Variants in WIPF1 observed in about 807,000 individuals in gnomAD.
WIPF1 encodes WAS/WASL-interacting protein family member 1.
A neutral mutation model predicts 35.4 loss-of-function variants in WIPF1; 13 were observed. The observed-to-expected ratio is 0.37, with a 90% CI of 0.24 to 0.58. WIPF1 has a LOEUF of 0.58. Among genes scored for constraint, WIPF1 ranks in the 20% least tolerant of loss-of-function variants. The pLI, the probability that WIPF1 is intolerant of heterozygous loss-of-function variation, is 0.74. For missense variants in WIPF1, 591 were observed against 667.0 expected (o/e 0.89, Z 1.25); for synonymous variants, 267 against 266.3 (o/e 1.00, Z -0.02).
At chr2:174,638,909 G>A (rs528622629) in intron 1 of WIPF1, among the ~76,000 whole-genome samples, 32 of 152,120 alleles carry the variant, frequency 2.1e-4, no homozygotes, top group African/African-American at 7.0e-4. Context: ...TCCAGTAGTG[G>A]GACTGCTGGA....
chr2:174,674,707 T>G (rs968480210), intron 1 of WIPF1, among the ~76,000 whole-genome samples: 1 of 152,010 alleles, frequency 6.6e-6, no homozygotes, highest in African/African-American at 2.4e-5. Context: ...AAAGAAAACT[T>G]GAAACAAAAC....
chr2:174,567,833 A>G lies in WIPF1; in HGVS notation c.1342+28T>C. On this transcript the variant is annotated intron_variant, in intron 6 of 7. Coordinates refer to ENST00000679041, the MANE Select transcript of WIPF1 (RefSeq NM_001375834.1). The stretch of plus-strand genomic sequence containing the variant: ...ATTTACCATTTAGTTGCTGCCCTAT[A>G]GCCCAGGGAGCTGGGACCACACCTC... 3 of 1,531,822 alleles carry G rather than the reference A, an allele frequency of 2.0e-6. No individual in the cohort carries two copies. In the South Asian group the frequency reaches 3.9e-5, roughly 20 times the overall value. The allele number at this position is 1,531,822 out of a possible 1,614,324, so 94.9% of individuals were successfully genotyped here.
At chr2:174,563,006 T>C (rs1559143540) in intron 7 of WIPF1, among the ~76,000 whole-genome samples, 1 of 152,126 alleles carries the variant, frequency 6.6e-6, no homozygotes, top group African/African-American at 2.4e-5. Flanking sequence ...TAAGATCATA[T>C]AGTCAGTTTG....
chr2:174,588,438 C>T (rs115112754), intron 1 of WIPF1, among the ~76,000 whole-genome samples: 385 of 152,280 alleles, frequency 2.5e-3, no homozygotes, highest in Non-Finnish European at 4.4e-3. Flanking sequence ...TAACAGAGAT[C>T]AAATTGAACT....
At chr2:174,615,329 T>C (rs1686474979) in intron 1 of WIPF1, among the ~76,000 whole-genome samples, 1 of 152,230 alleles carries the variant, frequency 6.6e-6, no homozygotes, top group South Asian at 2.1e-4. Flanking sequence ...CAGAATTTTA[T>C]GGAATCACAT....
In WIPF1 at chr2:174,571,043, G is replaced by C. The variant is rs946819758; in HGVS notation, c.1129+633C>G. 2 of 156,160 alleles carry C rather than the reference G, an allele frequency of 1.3e-5. No homozygotes were observed. Among genetic ancestry groups the C allele is most frequent in the Non-Finnish European group, 2.8e-5 (2 of 70,370 alleles). The allele number at this position is 156,160 out of a possible 1,614,324, so 9.7% of individuals were successfully genotyped here. On this transcript the variant is annotated intron_variant, in intron 5 of 7. Coordinates refer to ENST00000679041, the MANE Select transcript of WIPF1 (RefSeq NM_001375834.1). This position sits in a 1 kb window ranked among gnomAD's most constrained non-coding sequence, Gnocchi z 4.6. ...AAGGGTCTCAGATGGGCTTCAGCAGGCTCTTCAAGCCATGTGACAGCAGGC... is the reference window on the plus strand; with the variant it reads ...AAGGGTCTCAGATGGGCTTCAGCAGCCTCTTCAAGCCATGTGACAGCAGGC...
chr2:174,593,901 C>T (rs748034677), intron 1 of WIPF1, among the ~76,000 whole-genome samples: 10 of 151,828 alleles, frequency 6.6e-5, no homozygotes, highest in Admixed American at 3.9e-4. Flanking sequence ...AGCAATAAGC[C>T]ATGGATACAA....
Position 174,571,835 on chromosome 2 carries a change from T to C in WIPF1, c.970A>G (p.Ser324Gly), listed in dbSNP as rs754868175. 1.4e-5 allele frequency: 22 copies of C among 1,613,974 alleles called. No homozygotes were observed. In the South Asian group the frequency reaches 2.1e-4, roughly 15 times the overall value. The change falls in exon 5 of 8, where the codon AGT becomes GGT. Residue 324 changes from serine to glycine, a missense_variant. By Grantham distance (56) the Ser-to-Gly change is moderately conservative. This residue lies in a region of WIPF1 where 471 missense variants were observed against 501.1 expected (regional missense o/e 0.94). Coordinates refer to ENST00000679041, the MANE Select transcript of WIPF1 (RefSeq NM_001375834.1). This position sits in a 1 kb window ranked among gnomAD's most constrained non-coding sequence, Gnocchi z 4.6. ...GGGGTTTCGTCATTGCCGCTGGAAC[T>C]TGGAGGCAGAGGAGGCGGCCCGGGC... ...SRPGPPPLPP[S>G]SSGNDETPRL...
chr2:174,641,628 C>T (rs1204958882), intron 1 of WIPF1, among the ~76,000 whole-genome samples: 1 of 152,196 alleles, frequency 6.6e-6, no homozygotes, highest in Non-Finnish European at 1.5e-5. Context: ...CCAACCTTTT[C>T]ATCCAGGTAG....
At chr2:174,672,649 G>A (rs867063492) in intron 1 of WIPF1, among the ~76,000 whole-genome samples, 36 of 152,188 alleles carry the variant, frequency 2.4e-4, no homozygotes, top group African/African-American at 7.5e-4. Flanking sequence ...AAGTTACAAC[G>A]TTGATTGCAT....
chr2:174,594,050 CA>C (rs1685718622), intron 1 of WIPF1, among the ~76,000 whole-genome samples: 2 of 152,240 alleles, frequency 1.3e-5, no homozygotes, highest in African/African-American at 4.8e-5. Context: ...GAATGTGGAG[CA>C]CACGCTTGCC....
intron 1 of WIPF1, among the ~76,000 whole-genome samples, chr2:174,605,193 G>A (rs781523655): frequency 9.2e-5 from 14 of 152,170 alleles, no homozygotes; most frequent in Non-Finnish European, 1.6e-4. Flanking sequence ...CCAGCACTTT[G>A]GGAGGCAGAG....
chr2:174,638,227 T>C (rs571734540), intron 1 of WIPF1, among the ~76,000 whole-genome samples: 1 of 152,330 alleles, frequency 6.6e-6, no homozygotes, highest in Admixed American at 6.5e-5. Context: ...TAAATACAGA[T>C]ATTGATATAA....
At chr2:174,670,319 G>C (rs1290806047) in intron 1 of WIPF1, among the ~76,000 whole-genome samples, 1 of 152,134 alleles carries the variant, frequency 6.6e-6, no homozygotes, top group Non-Finnish European at 1.5e-5. Context: ...CCCTGTCTGT[G>C]TTGCTAGGAC....
Position 174,571,545 on chromosome 2 carries a change from G to T in WIPF1, c.1129+131C>A. 1 of 1,258,774 alleles carries T rather than the reference G, an allele frequency of 7.9e-7. No homozygotes were observed. The highest frequency in any genetic ancestry group is 1.2e-6 in the Non-Finnish European group (1 of 857,188). 78.0% of individuals were successfully genotyped at this position (1,258,774 alleles called of 1,614,324 possible). On this transcript the variant is annotated intron_variant, in intron 5 of 7. Transcript: ENST00000679041. The surrounding 1 kb of genome is among the most constrained non-coding windows in gnomAD (Gnocchi z 4.6). ...GAGGTCACGATCACACGTGTCGTGTGCCACTTAAAAGCACAAAGCAGTCTG... is the reference window on the plus strand; with the variant it reads ...GAGGTCACGATCACACGTGTCGTGTTCCACTTAAAAGCACAAAGCAGTCTG...
At chr2:174,678,968 T>C (rs547000966) in intron 1 of WIPF1, among the ~76,000 whole-genome samples, 1 of 152,388 alleles carries the variant, frequency 6.6e-6, no homozygotes, top group Non-Finnish European at 1.5e-5. Context: ...TAGGCTTTTT[T>C]GGTATTTACC....
At chr2:174,607,296 G>C (rs1340170500) in intron 1 of WIPF1, among the ~76,000 whole-genome samples, 1 of 151,974 alleles carries the variant, frequency 6.6e-6, no homozygotes, top group Non-Finnish European at 1.5e-5. Flanking sequence ...CCAGCTACTC[G>C]GGAGGCTGAG....
intron 1 of WIPF1, among the ~76,000 whole-genome samples, chr2:174,592,004 C>T (rs1685631988): frequency 6.6e-6 from 1 of 152,214 alleles, no homozygotes; most frequent in Non-Finnish European, 1.5e-5. Context: ...CCATAGCTCA[C>T]AGTTCAGTCC....
chr2:174,571,942 TGAG>T lies in WIPF1; in HGVS notation c.860_862del (p.Pro287del), dbSNP rs556678311. 4.3e-5 allele frequency: 69 copies of T among 1,589,356 alleles called. No individual in the cohort carries two copies. The East Asian group carries it at 4.9e-4, about 11-fold the overall frequency. ...GGAAGGCACTGGAGGCTTGTTGTTC[TGAG>T]GAGGAGGAGGGGGAACCGCTTCCCT... On this transcript the variant is annotated inframe_deletion, in exon 5 of 8. Coordinates refer to ENST00000679041, the MANE Select transcript of WIPF1 (RefSeq NM_001375834.1). The surrounding 1 kb of genome is among the most constrained non-coding windows in gnomAD (Gnocchi z 4.6).
Sources: allele counts gnomAD v4.1 joint callset (sites outside exome capture counted in the v4.1 genomes callset), GRCh38; gene constraint gnomAD v4.1.1; regional missense constraint gnomAD v4.1.1; non-coding constraint Gnocchi (gnomAD v3.1); transcripts MANE v1.5; gene names NCBI Gene and HGNC (gene_info 2026-07-23, HGNC 2026-07-21).